OLA1: variants seen among roughly 807,000 people sequenced by gnomAD.
OLA1 encodes Obg like ATPase 1, also known as obg-like ATPase 1.
OLA1 carries 14 observed loss-of-function variants against 48.4 expected under a neutral mutation model. The ratio of observed to expected loss-of-function variants is 0.29; its 90% CI spans 0.19 to 0.45. The LOEUF is 0.45. Ranked by LOEUF, OLA1 falls within the 20% of genes least tolerant of loss-of-function variation. The pLI, the probability that OLA1 is intolerant of heterozygous loss-of-function variation, is 1.00. For synonymous variants in OLA1, 127 were observed against 150.4 expected, an observed-to-expected ratio of 0.84 and a Z score of 1.14; for missense variants, 325 against 467.1, an observed-to-expected ratio of 0.70 and a Z score of 2.80.
At chr2:174,096,120 G>T (rs1685250618) in intron 7 of OLA1, among the ~76,000 whole-genome samples, 1 of 152,052 alleles carries the variant, frequency 6.6e-6, no homozygotes, top group Non-Finnish European at 1.5e-5. Flanking sequence ...AAGAAATGAG[G>T]TACTGATACA....
intron 4 of OLA1, among the ~76,000 whole-genome samples, chr2:174,173,987 G>C (rs2105408123): frequency 7.2e-6 from 1 of 138,808 alleles, no homozygotes; most frequent in African/African-American, 2.6e-5. Flanking sequence ...TCAAGAAATT[G>C]AATCTGAAAT....
Position 174,223,046 on chromosome 2 carries a change from G to C in OLA1, c.360C>G (p.Ile120Met), listed in dbSNP as rs149082206. ...FLSHISACDG[I>M]FHLTRAFEDD... ...AACTGTACTTACGTGTTAGATGAAA[G>C]ATGCCATCACAGGCACTAATATGAG... Residue 120 changes from isoleucine to methionine, a missense_variant, in exon 4 of 11, where the codon ATC becomes ATG. Ile to Met is a conservative substitution (Grantham distance 10). Transcript: ENST00000284719. 1.9e-6 allele frequency: 3 copies of C among 1,612,546 alleles called. No homozygotes were observed. The highest frequency in any genetic ancestry group is 2.5e-6 in the Non-Finnish European group (3 of 1,179,394).
chr2:174,169,099 C>T (rs1373310889), intron 4 of OLA1, among the ~76,000 whole-genome samples: 1 of 152,076 alleles, frequency 6.6e-6, no homozygotes, highest in Non-Finnish European at 1.5e-5. Flanking sequence ...GCACACACCA[C>T]CACGCCCAGC....
chr2:174,098,790 A>C (rs1375231346), intron 7 of OLA1, among the ~76,000 whole-genome samples: 1 of 152,214 alleles, frequency 6.6e-6, no homozygotes, highest in Non-Finnish European at 1.5e-5. Context: ...GTAAATGCTC[A>C]ACATGTATTA....
chr2:174,114,341 C>CAAAAAAAAAAAAAAAAAAAA (rs76471043), intron 7 of OLA1, among the ~76,000 whole-genome samples: 1 of 60,630 alleles, frequency 1.6e-5, no homozygotes, highest in African/African-American at 8.9e-5. Flanking sequence ...GACTCCGCCT[C>CAAAAAAAAAAAAAAAAAAAA]AAAAAAAAAA....
chr2:174,223,263 A>G (rs1688545685), intron 3 of OLA1, 103 bp from the exon 4 acceptor site: 3 of 1,118,796 alleles, frequency 2.7e-6, no homozygotes, highest in Non-Finnish European at 3.9e-6. Context: ...CCTTTCTAGA[A>G]CAATGGAACA....
rs199603665 is a variant in OLA1 at position 174,213,232 on chromosome 2, CGGG to C, written c.373+9798_373+9800del. On this transcript the variant is annotated intron_variant, in intron 4 of 10. Coordinates refer to ENST00000284719, the MANE Select transcript of OLA1 (RefSeq NM_013341.5). ...ACCCTCCTACTATACGTTTCTAAAC[CGGG>C]AAGAAAACTGTCCCATAGCTCAGAA... Among the ~76,000 whole-genome samples the C allele has an allele frequency of 4.8e-3, 725 of 152,222 alleles. 4 individuals carry two copies. Among genetic ancestry groups the C allele is most frequent in the African/African-American group, 0.017 (702 of 41,522 alleles).
intron 6 of OLA1, 130 bp from the exon 7 acceptor site, chr2:174,123,407 A>G: frequency 1.6e-6 from 1 of 606,984 alleles, no homozygotes; most frequent in Non-Finnish European, 2.8e-6. Context: ...CTTCTTTCCA[A>G]AAGATTAGTG....
chr2:174,171,336 A>T (rs1277615414), intron 4 of OLA1, among the ~76,000 whole-genome samples: 2 of 152,246 alleles, frequency 1.3e-5, no homozygotes, highest in Non-Finnish European at 2.9e-5. Flanking sequence ...TCTTTTCAAG[A>T]GCATGTAGTT....
In OLA1 at chr2:174,073,439, T is replaced by C. The variant is rs1404132863; in HGVS notation, c.*1987A>G. The C allele has an allele frequency of 1.3e-5, 2 of 152,336 alleles. No individual in the cohort carries two copies. Among genetic ancestry groups the C allele is most frequent in the East Asian group, 3.9e-4 (2 of 5,186 alleles). 9.4% of individuals were successfully genotyped at this position (152,336 alleles called of 1,614,324 possible). On this transcript the variant is annotated 3_prime_UTR_variant, in exon 11 of 11. Transcript: ENST00000284719. ...GTTTAGATATAGGCATATATATGATTATATGTAACAGTTCTTGGAATTCTC... is the reference window on the plus strand; with the variant it reads ...GTTTAGATATAGGCATATATATGATCATATGTAACAGTTCTTGGAATTCTC...
chr2:174,180,388 A>G (rs1023326932), intron 4 of OLA1, among the ~76,000 whole-genome samples: 2 of 152,202 alleles, frequency 1.3e-5, no homozygotes, highest in African/African-American at 4.8e-5. Flanking sequence ...GTACAGCACC[A>G]GAAATCCAGC....
intron 4 of OLA1, among the ~76,000 whole-genome samples, chr2:174,188,777 A>G (rs1165115677): frequency 6.6e-6 from 1 of 152,188 alleles, no homozygotes; most frequent in Non-Finnish European, 1.5e-5. Flanking sequence ...ATATTGTATA[A>G]AATTACTTTC....
At chr2:174,243,168 C>G (rs1198637073) in intron 2 of OLA1, among the ~76,000 whole-genome samples, 1 of 152,218 alleles carries the variant, frequency 6.6e-6, no homozygotes, top group Non-Finnish European at 1.5e-5. Flanking sequence ...GCCACCACAC[C>G]TGGCTAATTT....
chr2:174,146,402 C>T (rs1275239421), intron 4 of OLA1, among the ~76,000 whole-genome samples: 4 of 152,076 alleles, frequency 2.6e-5, no homozygotes, highest in African/African-American at 9.7e-5. Context: ...TTTAGTGGTG[C>T]CAATGAGTGA....
intron 4 of OLA1, among the ~76,000 whole-genome samples, chr2:174,211,425 G>A (rs1036649555): frequency 2.0e-5 from 3 of 152,102 alleles, no homozygotes; most frequent in African/African-American, 7.2e-5. Flanking sequence ...AAACATTTTA[G>A]AAATACATTA....
intron 4 of OLA1, among the ~76,000 whole-genome samples, chr2:174,213,589 A>G (rs774211282): frequency 1.3e-5 from 2 of 152,162 alleles, no homozygotes; most frequent in Non-Finnish European, 2.9e-5. Context: ...GCTTCCAAAA[A>G]CTGGCGAAGT....
chr2:174,147,862 C>T (rs778098814), intron 4 of OLA1, among the ~76,000 whole-genome samples: 5 of 152,072 alleles, frequency 3.3e-5, no homozygotes, highest in Non-Finnish European at 7.4e-5. Flanking sequence ...CTTGCTCTGT[C>T]GCTCAGGCTG....
At chr2:174,157,552 T>G (rs1686916228) in intron 4 of OLA1, among the ~76,000 whole-genome samples, 1 of 152,230 alleles carries the variant, frequency 6.6e-6, no homozygotes, top group Admixed American at 6.5e-5. Flanking sequence ...GAGAAAATAC[T>G]GTCTCTGCTG....
chr2:174,081,109 A>T (rs765989995), intron 9 of OLA1, 43 bp downstream of exon 9: 3 of 1,474,738 alleles, frequency 2.0e-6, no homozygotes, highest in African/African-American at 1.4e-5. Flanking sequence ...TGAATTCAAT[A>T]GTGTGGAACT....
Sources: gnomAD v4.1 joint callset for allele counts (sites outside exome capture counted in the v4.1 genomes callset) on GRCh38, gnomAD v4.1.1 for gene constraint, MANE v1.5 for transcripts, NCBI Gene and HGNC (gene_info 2026-07-23, HGNC 2026-07-21) for gene names.